The following DCDC2 variants were observed in gnomAD, a reference collection of about 807,000 sequenced individuals.
DCDC2 encodes doublecortin domain-containing protein 2.
In DCDC2, 40 loss-of-function variants were observed where a neutral mutation model predicts 50.2. The observed-to-expected ratio is 0.80, with a 90% CI of 0.62 to 1.04. The LOEUF is 1.04. Among genes scored for constraint, DCDC2 ranks in the 50% least tolerant of loss-of-function variants. DCDC2 has a pLI of 0.00. For synonymous variants in DCDC2, 234 were observed against 210.6 expected, an observed-to-expected ratio of 1.11 and a Z score of -0.96; for missense variants, 570 against 581.9, an observed-to-expected ratio of 0.98 and a Z score of 0.21.
At chr6:24,272,406 C>A (rs942004154) in intron 7 of DCDC2, among the ~76,000 whole-genome samples, 3 of 152,140 alleles carry the variant, frequency 2.0e-5, no homozygotes, top group African/African-American at 7.2e-5. Context: ...ATATATCCCA[C>A]AGTACACATT....
intron 7 of DCDC2, among the ~76,000 whole-genome samples, chr6:24,276,415 A>C (rs897738073): frequency 3.3e-4 from 5 of 15,128 alleles, no homozygotes; most frequent in Non-Finnish European, 1.5e-3. Context: ...GGCTTTTAAC[A>C]AAAAAAAAAA....
At chr6:24,206,377 A>AGAAGGAAGGAAG (rs370300459) in intron 7 of DCDC2, among the ~76,000 whole-genome samples, 2 of 152,174 alleles carry the variant, frequency 1.3e-5, no homozygotes, top group East Asian at 2.0e-4. Flanking sequence ...AATGAAGGAA[A>AGAAGGAAGGAAG]GAAGGAAGGA....
chr6:24,224,232 C>A (rs762756491), intron 7 of DCDC2, among the ~76,000 whole-genome samples: 11 of 152,146 alleles, frequency 7.2e-5, no homozygotes, highest in Non-Finnish European at 1.3e-4. Context: ...ATTCATTCAT[C>A]CATTCATTCA....
At chr6:24,203,664 T>TG (rs2113760533) in intron 8 of DCDC2, among the ~76,000 whole-genome samples, 1 of 152,302 alleles carries the variant, frequency 6.6e-6, no homozygotes, top group East Asian at 1.9e-4. Flanking sequence ...GAAGAGCTTC[T>TG]GCACAGCAAA....
intron 2 of DCDC2, 87 bp downstream of exon 2, chr6:24,353,482 A>T (rs1271958966): frequency 6.7e-5 from 53 of 790,968 alleles, no homozygotes; most frequent in Non-Finnish European, 3.2e-5. Flanking sequence ...TCATCAAAGT[A>T]GAATGCCGTC....
chr6:24,313,379 GA>G (rs1006792864), intron 2 of DCDC2, among the ~76,000 whole-genome samples: 6 of 149,212 alleles, frequency 4.0e-5, no homozygotes, highest in South Asian at 2.1e-4. Context: ...AAGCACTGGG[GA>G]AAAAAAAAAT....
intron 6 of DCDC2, among the ~76,000 whole-genome samples, chr6:24,281,906 AAATT>A (rs1763481625): frequency 6.6e-6 from 1 of 152,202 alleles, no homozygotes; most frequent in Admixed American, 6.5e-5. Flanking sequence ...ATAGATAAAT[AAATT>A]AACTTTCTAA....
chr6:24,302,107 G>A (rs758366700), intron 2 of DCDC2, 63 bp from the exon 3 acceptor site: 70 of 1,432,634 alleles, frequency 4.9e-5, no homozygotes, highest in Non-Finnish European at 6.5e-5. Context: ...TTTTTCCTAT[G>A]AGGAAAATCT....
At chr6:24,284,567 T>C (rs1763551744) in intron 6 of DCDC2, among the ~76,000 whole-genome samples, 3 of 148,590 alleles carry the variant, frequency 2.0e-5, no homozygotes, top group African/African-American at 7.5e-5. Flanking sequence ...GCCGAGATCA[T>C]GCCACTGCAC....
intron 2 of DCDC2, among the ~76,000 whole-genome samples, chr6:24,337,929 A>T (rs565118640): frequency 2.0e-5 from 3 of 152,298 alleles, no homozygotes; most frequent in Admixed American, 1.3e-4. Flanking sequence ...GTATTAAAAA[A>T]TTTTAAAACC....
chr6:24,333,320 G>A (rs562538278), intron 2 of DCDC2, among the ~76,000 whole-genome samples: 3 of 152,132 alleles, frequency 2.0e-5, no homozygotes, highest in Admixed American at 6.6e-5. Context: ...AGAGAAAAGA[G>A]AGCAAAAGGA....
intron 7 of DCDC2, among the ~76,000 whole-genome samples, chr6:24,265,606 G>T (rs897226041): frequency 6.6e-6 from 1 of 152,022 alleles, no homozygotes; most frequent in Non-Finnish European, 1.5e-5. Context: ...TCAGTAACAA[G>T]AACTCTGGAA....
At chr6:24,202,167 G>A (rs1761603782) in intron 8 of DCDC2, among the ~76,000 whole-genome samples, 1 of 152,074 alleles carries the variant, frequency 6.6e-6, no homozygotes, top group African/African-American at 2.4e-5. Flanking sequence ...CCAAAACCTG[G>A]CAGAGACACA....
intron 2 of DCDC2, among the ~76,000 whole-genome samples, chr6:24,343,322 T>C (rs1445462822): frequency 6.6e-6 from 1 of 152,168 alleles, no homozygotes; most frequent in African/African-American, 2.4e-5. Context: ...GTGCTGGGAT[T>C]ACAGGCGTCA....
intron 4 of DCDC2, among the ~76,000 whole-genome samples, chr6:24,301,105 C>T (rs1759361388): frequency 6.6e-6 from 1 of 150,654 alleles, no homozygotes; most frequent in East Asian, 1.9e-4. Flanking sequence ...GGCTTGGTGG[C>T]TCAAGCCTGT....
At chr6:24,255,919 G>C (rs1762889654) in intron 7 of DCDC2, among the ~76,000 whole-genome samples, 1 of 152,096 alleles carries the variant, frequency 6.6e-6, no homozygotes, top group Non-Finnish European at 1.5e-5. Flanking sequence ...TACACATGCT[G>C]ACTAGAGGAA....
chr6:24,271,207 CA>C (rs543819229), intron 7 of DCDC2, among the ~76,000 whole-genome samples: 1,254 of 39,318 alleles, frequency 0.032, 11 homozygotes, highest in Non-Finnish European at 0.043. Context: ...GACACTCCCT[CA>C]AAAAAAAAAA....
intron 7 of DCDC2, among the ~76,000 whole-genome samples, chr6:24,269,764 G>A (rs1763199663): frequency 6.6e-6 from 1 of 151,930 alleles, no homozygotes; most frequent in Non-Finnish European, 1.5e-5. Context: ...AGAAACTAGA[G>A]GTCAGCCCCC....
chr6:24,326,379 T>A (rs77165612), intron 2 of DCDC2, among the ~76,000 whole-genome samples: 1 of 148,976 alleles, frequency 6.7e-6, no homozygotes, highest in Non-Finnish European at 1.5e-5. Context: ...TAGAGCTCCC[T>A]GGATAGTAGA....
Sources: allele counts gnomAD v4.1 joint callset (sites outside exome capture counted in the v4.1 genomes callset), GRCh38; gene constraint gnomAD v4.1.1; transcripts MANE v1.5; gene names NCBI Gene and HGNC (gene_info 2026-07-23, HGNC 2026-07-21).